Variants in WAC observed in about 807,000 individuals in gnomAD.
WAC encodes WW domain containing adaptor with coiled-coil, also known as WW domain-containing adapter protein with coiled-coil.
WAC carries 11 observed loss-of-function variants against 79.6 expected under a neutral mutation model. That is an observed-to-expected ratio of 0.14 (90% CI 0.09 to 0.23). The LOEUF (loss-of-function observed/expected upper bound fraction) is 0.23, where lower values mean the gene tolerates loss of function less well. Ranked by LOEUF, WAC falls within the 10% of genes least tolerant of loss-of-function variation. The pLI is 1.00. For synonymous variants in WAC, 304 were observed against 276.9 expected (o/e 1.10, Z -0.97); for missense variants, 728 against 773.5 (o/e 0.94, Z 0.70).
At chr10:28,596,084 C>G in intron 7 of WAC, 43 bp downstream of exon 7, 7 of 1,547,738 alleles carry the variant, frequency 4.5e-6, no homozygotes, top group Non-Finnish European at 6.1e-6. Flanking sequence ...ACTATAGTTT[C>G]TAAGTTTCTT....
At chr10:28,580,409 G>A (rs1240023509) in intron 3 of WAC, among the ~76,000 whole-genome samples, 1 of 152,184 alleles carries the variant, frequency 6.6e-6, no homozygotes, top group Non-Finnish European at 1.5e-5. Flanking sequence ...GACCTCATTT[G>A]TAATATACCT....
chr10:28,578,679 T>A (rs1839373636), intron 3 of WAC, among the ~76,000 whole-genome samples: 1 of 152,138 alleles, frequency 6.6e-6, no homozygotes, highest in South Asian at 2.1e-4. Context: ...TGATGAATTT[T>A]TTTTGGACCA....
chr10:28,578,232 A>G (rs1839349654), intron 3 of WAC, among the ~76,000 whole-genome samples: 1 of 152,212 alleles, frequency 6.6e-6, no homozygotes, highest in Non-Finnish European at 1.5e-5. Context: ...TGAGATCTAC[A>G]ATTTTTAATA....
intron 3 of WAC, among the ~76,000 whole-genome samples, chr10:28,565,265 T>A (rs926678831): frequency 6.6e-6 from 1 of 152,346 alleles, no homozygotes; most frequent in South Asian, 2.1e-4. Flanking sequence ...ACAGCTCTTA[T>A]AACATTCATG....
chr10:28,611,058 AATTATTTAAGACAG>A (rs1275661154), intron 9 of WAC: 1 of 575,526 alleles, frequency 1.7e-6, no homozygotes, highest in Non-Finnish European at 2.8e-6. Flanking sequence ...TCAAATCTGT[AATTATTTAAGACAG>A]TATTTAATTC....
intron 8 of WAC, among the ~76,000 whole-genome samples, chr10:28,609,880 A>C (rs1053001348): frequency 6.6e-6 from 1 of 152,098 alleles, no homozygotes; most frequent in Non-Finnish European, 1.5e-5. Context: ...GTTAATGTCA[A>C]TAATAAAATA....
intron 7 of WAC, among the ~76,000 whole-genome samples, chr10:28,602,701 A>C (rs933487196): frequency 6.6e-6 from 1 of 152,206 alleles, no homozygotes; most frequent in Non-Finnish European, 1.5e-5. Context: ...GTAAGAAATA[A>C]AGTTTGACTT....
intron 9 of WAC, 150 bp from the exon 10 acceptor site, chr10:28,611,624 C>A: frequency 8.0e-7 from 1 of 1,243,166 alleles, no homozygotes; most frequent in Non-Finnish European, 1.1e-6. Context: ...AGGTCAGATT[C>A]TGATTTATTC....
chr10:28,568,075 C>CA (rs1342423827), intron 3 of WAC, among the ~76,000 whole-genome samples: 2 of 152,212 alleles, frequency 1.3e-5, no homozygotes, highest in African/African-American at 4.8e-5. Context: ...AACCATTTGT[C>CA]AGAGACGGTT....
chr10:28,607,884 T>C (rs1841038776), intron 7 of WAC, among the ~76,000 whole-genome samples: 1 of 152,236 alleles, frequency 6.6e-6, no homozygotes, highest in Non-Finnish European at 1.5e-5. Flanking sequence ...TGAGATAGCA[T>C]TGGTGGTAGA....
chr10:28,613,010 C>T (rs964662013), intron 10 of WAC, among the ~76,000 whole-genome samples: 7 of 152,092 alleles, frequency 4.6e-5, no homozygotes, highest in African/African-American at 1.2e-4. Flanking sequence ...AGGCTGGGCG[C>T]GGTGGCTCAC....
intron 3 of WAC, among the ~76,000 whole-genome samples, chr10:28,568,234 G>A (rs943105202): frequency 3.9e-5 from 6 of 152,168 alleles, no homozygotes; most frequent in African/African-American, 1.4e-4. Context: ...GTAATTTTCA[G>A]TGTCAGTTTG....
At chr10:28,573,060 G>C (rs1839059746) in intron 3 of WAC, among the ~76,000 whole-genome samples, 1 of 152,046 alleles carries the variant, frequency 6.6e-6, no homozygotes, top group African/African-American at 2.4e-5. Flanking sequence ...CTCACTAAAG[G>C]AGTGGCTCTT....
At chr10:28,610,410 C>T (rs1841176323) in intron 8 of WAC, among the ~76,000 whole-genome samples, 1 of 152,006 alleles carries the variant, frequency 6.6e-6, no homozygotes, top group Non-Finnish European at 1.5e-5. Context: ...TTCCTGTGAA[C>T]ACTCGTTAAA....
chr10:28,580,557 T>C (rs1044559919), intron 3 of WAC, among the ~76,000 whole-genome samples: 2 of 152,214 alleles, frequency 1.3e-5, no homozygotes, highest in East Asian at 3.9e-4. Flanking sequence ...CCCAGGCTTT[T>C]TAATGGATTA....
At chr10:28,599,246 G>T (rs1241019172) in intron 7 of WAC, among the ~76,000 whole-genome samples, 1 of 152,144 alleles carries the variant, frequency 6.6e-6, no homozygotes, top group African/African-American at 2.4e-5. Flanking sequence ...AGCGCTGATG[G>T]TTCAAATCAG....
intron 13 of WAC, among the ~76,000 whole-genome samples, chr10:28,618,860 G>A (rs1026076956): frequency 1.3e-5 from 2 of 152,184 alleles, no homozygotes; most frequent in African/African-American, 4.8e-5. Flanking sequence ...TTACTGTATA[G>A]TGGGCCAGAA....
intron 3 of WAC, among the ~76,000 whole-genome samples, chr10:28,554,774 C>T (rs1438084920): frequency 2.0e-5 from 3 of 152,194 alleles, no homozygotes; most frequent in Non-Finnish European, 2.9e-5. Flanking sequence ...TCCACCCCTC[C>T]GCTTTGCTCT....
At position 28,595,214 on chromosome 10, in the gene WAC, A is replaced by T. The variant is rs371953443; in HGVS notation, c.611-519A>T. 2.0e-4 allele frequency among the ~76,000 whole-genome samples: 30 copies of T among 152,334 alleles called. 1 individual carries two copies. The East Asian group carries it at 5.0e-3, about 25-fold the overall frequency. The stretch of plus-strand genomic sequence containing the variant: ...AAAATGATTTCATTTAAGCCTTCTT[A>T]TAAACTGCTTTAGAGGCAACTAATT... On this transcript the variant is annotated intron_variant, in intron 6 of 13. Transcript: ENST00000354911.
Sources: gnomAD v4.1 joint callset for allele counts (sites outside exome capture counted in the v4.1 genomes callset) on GRCh38, gnomAD v4.1.1 for gene constraint, MANE v1.5 for transcripts, NCBI Gene and HGNC (gene_info 2026-07-23, HGNC 2026-07-21) for gene names.